Variants in PTPRK observed in about 807,000 individuals in gnomAD.
PTPRK encodes the protein receptor-type tyrosine-protein phosphatase kappa.
In PTPRK, 75 loss-of-function variants were observed where a neutral mutation model predicts 178.0. The observed-to-expected ratio is 0.42, with a 90% CI of 0.35 to 0.51. The LOEUF (loss-of-function observed/expected upper bound fraction) is 0.51, where lower values mean the gene tolerates loss of function less well. Ranked by LOEUF, PTPRK falls within the 20% of genes least tolerant of loss-of-function variation. PTPRK has a pLI of 0.02. For synonymous variants in PTPRK, 637 were observed against 620.6 expected (o/e 1.03, Z -0.39); for missense variants, 1,441 against 1,797.8 (o/e 0.80, Z 3.59).
At chr6:128,235,763 T>C (rs1349657071) in intron 5 of PTPRK, among the ~76,000 whole-genome samples, 1 of 152,078 alleles carries the variant, frequency 6.6e-6, no homozygotes, top group East Asian at 1.9e-4. Flanking sequence ...CTCAATGATC[T>C]AGGATAGCCC....
intron 27 of PTPRK, 39 bp downstream of exon 27, chr6:127,976,618 C>A: frequency 6.2e-7 from 1 of 1,611,438 alleles, no homozygotes; most frequent in Non-Finnish European, 8.5e-7. Context: ...TATGACTGAC[C>A]TATTCTAGAT....
chr6:128,217,648 T>C lies in PTPRK; in HGVS notation c.868+1274A>G, dbSNP rs561836022. Among the ~76,000 whole-genome samples, 7 of 152,338 alleles carry C rather than the reference T, an allele frequency of 4.6e-5. No homozygotes were observed. The South Asian group carries it at 1.2e-3, about 27-fold the overall frequency. On this transcript the variant is annotated intron_variant, in intron 6 of 29. Transcript: ENST00000368226. ...AAAAGATATTTGATGCCAAGCATTA[T>C]AAAATATGGACATATCTCATATTCT...
chr6:128,438,737 C>A (rs1845924990), intron 1 of PTPRK, among the ~76,000 whole-genome samples: 1 of 152,128 alleles, frequency 6.6e-6, no homozygotes, highest in African/African-American at 2.4e-5. Flanking sequence ...AAGACTGAAA[C>A]CTGAACACAC....
intron 3 of PTPRK, among the ~76,000 whole-genome samples, chr6:128,276,007 G>A (rs532541359): frequency 6.6e-6 from 1 of 151,950 alleles, no homozygotes; most frequent in African/African-American, 2.4e-5. Flanking sequence ...CTATCAGTAT[G>A]ATGATATATG....
In PTPRK at chr6:128,397,573, CA is replaced by C. The variant is rs750669145; in HGVS notation, c.215del (p.Met72SerfsTer7). The C allele has an allele frequency of 1.2e-6, 2 of 1,613,910 alleles. No homozygotes were observed. The highest frequency in any genetic ancestry group is 1.7e-6 in the Non-Finnish European group (2 of 1,179,910). ...AAACAGAGTGACTCTCACCTTGGGGCATCTCGGGTGGTAGATAATGAGGCTC... is the reference window on the plus strand; with the variant it reads ...AAACAGAGTGACTCTCACCTTGGGGCTCTCGGGTGGTAGATAATGAGGCTC... Reference protein sequence around the residue: ...AQEPHYLPPEMPQGSYMIVDS... With the variant: ...AQEPHYLPPEXPQGSYMIVDS... On this transcript the variant is annotated frameshift_variant, in exon 2 of 30. Transcript: ENST00000368226. LOFTEE classifies it high-confidence loss of function.
At chr6:128,382,910 T>A (rs555353907) in intron 2 of PTPRK, among the ~76,000 whole-genome samples, 3 of 152,288 alleles carry the variant, frequency 2.0e-5, no homozygotes, top group African/African-American at 7.2e-5. Flanking sequence ...CTGCTCAGCC[T>A]GCGAAAATAA....
In PTPRK at chr6:128,501,426, A is replaced by G. The variant is rs145977950; in HGVS notation, c.100+18833T>C. Among the ~76,000 whole-genome samples, 1,110 of 150,144 alleles carry G rather than the reference A, an allele frequency of 7.4e-3. 10 individuals carry two copies. The highest frequency in any genetic ancestry group is 0.026 in the African/African-American group (1,032 of 40,222). On this transcript the variant is annotated intron_variant, in intron 1 of 29. Transcript: ENST00000368226. The stretch of plus-strand genomic sequence containing the variant: ...ACACACACACACACACACCCTTCCC[A>G]TTAAAAGGGAAAAAATACATATACA...
At chr6:128,089,029 C>A (rs1447583474) in intron 8 of PTPRK, among the ~76,000 whole-genome samples, 2 of 152,208 alleles carry the variant, frequency 1.3e-5, no homozygotes, top group African/African-American at 4.8e-5. Context: ...ATGGTGCGAT[C>A]TCAGCTCTCT....
At chr6:127,996,158 T>G (rs1208017335) in intron 17 of PTPRK, among the ~76,000 whole-genome samples, 1 of 152,006 alleles carries the variant, frequency 6.6e-6, no homozygotes, top group Non-Finnish European at 1.5e-5. Flanking sequence ...CAGGAGGAAG[T>G]CCCTAACGAT....
intron 2 of PTPRK, among the ~76,000 whole-genome samples, chr6:128,375,274 G>A (rs553092114): frequency 4.6e-5 from 7 of 151,890 alleles, no homozygotes; most frequent in Non-Finnish European, 8.8e-5. Flanking sequence ...TGCAGGAAAA[G>A]GGGTTCAATG....
rs1346043011 is a variant in PTPRK, at chr6:128,082,575, C to G, written c.1639G>C (p.Val547Leu). The G allele has an allele frequency of 7.4e-6, 12 of 1,612,654 alleles. No homozygotes were observed. In the South Asian group the frequency reaches 1.2e-4, roughly 16 times the overall value. ...TGTGTACTGTTCCATAAATTTGATA[C>G]AGTCTGGGGAGGTCCAGCCACTGGA... Reference protein sequence around the residue: ...AVPVAGPPQTVSNLWNSTHHV... With the variant: ...AVPVAGPPQTLSNLWNSTHHV... The change falls in exon 10 of 30, where the codon GTA becomes CTA. Residue 547 changes from valine (V) to leucine (L), a missense_variant. Transcript: ENST00000368226.
chr6:128,233,262 C>T (rs190728457), intron 5 of PTPRK, among the ~76,000 whole-genome samples: 4 of 152,268 alleles, frequency 2.6e-5, no homozygotes, highest in African/African-American at 9.6e-5. Flanking sequence ...TGGTGTAGTG[C>T]TATGTTTTCA....
rs369743198 is a variant in PTPRK at position 128,190,238 on chromosome 6, C to T, written c.869-5513G>A. Reference sequence around the variant, plus strand: ...CAACCCAGATATATTTATGAGAATTCTTTCATGATTTCACACTGTTATTTT... The same window carrying T: ...CAACCCAGATATATTTATGAGAATTTTTTCATGATTTCACACTGTTATTTT... On this transcript the variant is annotated intron_variant, in intron 6 of 29. Transcript: ENST00000368226. 2.8e-3 allele frequency among the ~76,000 whole-genome samples: 425 copies of T among 152,166 alleles called. 3 individuals are homozygous for T. Among genetic ancestry groups the T allele is most frequent in the African/African-American group, 9.5e-3 (396 of 41,528 alleles).
At position 128,439,837 on chromosome 6, in the gene PTPRK, A is replaced by G. The variant is rs983074423; in HGVS notation, c.101-42149T>C. On this transcript the variant is annotated intron_variant, in intron 1 of 29. Transcript: ENST00000368226. ...TGCTAATTCCAAGCTACTACTTTACATTCACATTCTGATTGTGATTTACAT... is the reference window on the plus strand; with the variant it reads ...TGCTAATTCCAAGCTACTACTTTACGTTCACATTCTGATTGTGATTTACAT... Among the ~76,000 whole-genome samples the G allele has an allele frequency of 6.5e-4, 99 of 152,364 alleles. 2 individuals carry two copies. Among genetic ancestry groups the G allele is most frequent in the Non-Finnish European group, 6.5e-4 (44 of 68,038 alleles).
intron 1 of PTPRK, among the ~76,000 whole-genome samples, chr6:128,464,838 T>A (rs1411716706): frequency 7.0e-6 from 1 of 143,058 alleles, no homozygotes; most frequent in Admixed American, 7.0e-5. Context: ...CACTGAGATT[T>A]AAAAAAAAAG....
chr6:128,238,127 C>T (rs1389464416), intron 5 of PTPRK: 2 of 426,026 alleles, frequency 4.7e-6, no homozygotes, highest in Non-Finnish European at 9.1e-6. Flanking sequence ...AAGAATGAGG[C>T]AATGTCCATG....
chr6:128,226,049 A>G (rs779177461), intron 5 of PTPRK, among the ~76,000 whole-genome samples: 14 of 152,180 alleles, frequency 9.2e-5, no homozygotes, highest in Non-Finnish European at 1.6e-4. Flanking sequence ...CAATGGAGAG[A>G]AAAGGTGACC....
At chr6:128,367,939 A>G (rs1835748034) in intron 2 of PTPRK, among the ~76,000 whole-genome samples, 1 of 152,214 alleles carries the variant, frequency 6.6e-6, no homozygotes, top group African/African-American at 2.4e-5. Flanking sequence ...CAATTTTATA[A>G]AGCAATTAAA....
At chr6:128,052,143 C>T (rs1185755819) in intron 13 of PTPRK, among the ~76,000 whole-genome samples, 1 of 152,138 alleles carries the variant, frequency 6.6e-6, no homozygotes, top group Non-Finnish European at 1.5e-5. Flanking sequence ...GTTGGAAAAA[C>T]ACACAAAGTT....
Sources: gnomAD v4.1 joint callset for allele counts (sites outside exome capture counted in the v4.1 genomes callset) on GRCh38, gnomAD v4.1.1 for gene constraint, MANE v1.5 for transcripts, NCBI Gene and HGNC (gene_info 2026-07-23, HGNC 2026-07-21) for gene names.